The following ARCN1 variants were observed in gnomAD, a reference collection of about 807,000 sequenced individuals.
The protein encoded by ARCN1 is archain 1 coat protein complex I subunit delta.
Under a neutral mutation model 60.4 loss-of-function variants are expected in ARCN1, and 5 were observed. That is an observed-to-expected ratio of 0.08 (90% CI 0.04 to 0.17). ARCN1 has a LOEUF of 0.17. Ranked by LOEUF, ARCN1 falls within the 10% of genes least tolerant of loss-of-function variation. The pLI is 1.00. For missense variants in ARCN1, 464 were observed against 626.5 expected, an observed-to-expected ratio of 0.74 and a Z score of 2.77; for synonymous variants, 224 against 220.0, an observed-to-expected ratio of 1.02 and a Z score of -0.16.
intron 6 of ARCN1, 126 bp downstream of exon 6, chr11:118,590,632 G>A (rs782678019): frequency 7.2e-6 from 7 of 977,908 alleles, no homozygotes; most frequent in South Asian, 1.7e-5. Context: ...CACTCTAAAC[G>A]CTTAGGAAAG....
chr11:118,587,492 T>C (rs193239535), intron 5 of ARCN1, among the ~76,000 whole-genome samples: 2 of 152,174 alleles, frequency 1.3e-5, no homozygotes, highest in South Asian at 2.1e-4. Flanking sequence ...TGCAGAGATA[T>C]GACATCTAAA....
intron 1 of ARCN1, among the ~76,000 whole-genome samples, chr11:118,578,699 G>A (rs1401850144): frequency 6.6e-6 from 1 of 151,898 alleles, no homozygotes; most frequent in African/African-American, 2.4e-5. Context: ...AATTTTGGGG[G>A]GAGAGTCAAT....
intron 1 of ARCN1, chr11:118,572,842 G>T: frequency 9.6e-6 from 4 of 417,858 alleles, no homozygotes; most frequent in Non-Finnish European, 1.7e-5. Flanking sequence ...TTTGCTCTGC[G>T]AGAACTTCGT....
At position 118,602,998 on chromosome 11, in the gene ARCN1, C is replaced by T. The variant is rs951229857; in HGVS notation, c.*2284C>T. The T allele has an allele frequency of 2.6e-5, 4 of 153,808 alleles. No homozygotes were observed. The highest frequency in any genetic ancestry group is 7.2e-5 in the African/African-American group (3 of 41,532). The allele number at this position is 153,808 out of a possible 1,614,324, so 9.5% of individuals were successfully genotyped here. A position where few individuals can be genotyped will look rare whatever the true frequency, so the allele number is the denominator to read the frequency against. ...TTCAGGATGCTGTAATGGGACCTAACATTAAAAATTAATGACATGTTTTTT... is the reference window on the plus strand; with the variant it reads ...TTCAGGATGCTGTAATGGGACCTAATATTAAAAATTAATGACATGTTTTTT... On this transcript the variant is annotated 3_prime_UTR_variant, in exon 10 of 10. Coordinates refer to ENST00000264028, the MANE Select transcript of ARCN1 (RefSeq NM_001655.5).
intron 1 of ARCN1, among the ~76,000 whole-genome samples, chr11:118,576,332 A>T (rs1176919711): frequency 6.7e-6 from 1 of 149,128 alleles, no homozygotes; most frequent in Non-Finnish European, 1.5e-5. Context: ...TGGAGAGATC[A>T]TCTAACTTAT....
intron 7 of ARCN1, among the ~76,000 whole-genome samples, chr11:118,593,259 C>T (rs1555076600): frequency 6.6e-6 from 1 of 151,426 alleles, no homozygotes. Context: ...GACACAAACT[C>T]CCTCTGTCAC....
Position 118,574,548 on chromosome 11 carries a change from TA to T in ARCN1, c.3+2007del, listed in dbSNP as rs879970834. On this transcript the variant is annotated intron_variant, in intron 1 of 9. Coordinates refer to ENST00000264028, the MANE Select transcript of ARCN1 (RefSeq NM_001655.5). ...ATCATCCATCCATCCCTCTCTCCAT[TA>T]AAAAAAAATATACATTTCAAAGTAA... 3.4e-3 allele frequency among the ~76,000 whole-genome samples: 508 copies of T among 150,594 alleles called. 1 individual carries two copies. The highest frequency in any genetic ancestry group is 7.2e-3 in the African/African-American group (296 of 41,170).
intron 1 of ARCN1, among the ~76,000 whole-genome samples, chr11:118,574,495 CAT>C (rs1555073079): frequency 6.6e-6 from 1 of 151,946 alleles, no homozygotes; most frequent in Non-Finnish European, 1.5e-5. Flanking sequence ...CTATAACTAA[CAT>C]TTCACTATAT....
Position 118,601,777 on chromosome 11 carries a change from G to T in ARCN1, c.*1063G>T. 2 of 701,290 alleles carry T rather than the reference G, an allele frequency of 2.9e-6. No homozygotes were observed. Among genetic ancestry groups the T allele is most frequent in the Non-Finnish European group, 5.2e-6 (2 of 383,812 alleles). The allele number at this position is 701,290 out of a possible 1,614,324, so 43.4% of individuals were successfully genotyped here. ...TGTCAATATTAAAGATAGCTGAGAA[G>T]CACCTTTCAAATGGCACAGTCCCTC... On this transcript the variant is annotated 3_prime_UTR_variant, in exon 10 of 10. Transcript: ENST00000264028.
At chr11:118,594,685 G>A (rs1555076867) in intron 8 of ARCN1, among the ~76,000 whole-genome samples, 1 of 152,124 alleles carries the variant, frequency 6.6e-6, no homozygotes, top group African/African-American at 2.4e-5. Context: ...GAGTAACTGG[G>A]GTTACAGGCA....
chr11:118,601,860 GTAA>G lies in ARCN1; in HGVS notation c.*1148_*1150del. The G allele has an allele frequency of 1.6e-6, 1 of 615,796 alleles. No individual in the cohort carries two copies. The highest frequency in any genetic ancestry group is 2.9e-6 in the Non-Finnish European group (1 of 343,598). The allele number at this position is 615,796 out of a possible 1,614,324, so 38.1% of individuals were successfully genotyped here. ...CCAGTTAGGGATTTCACATCCACAT[GTAA>G]TCATGTCTGCTGCTGTTGCTACCCA... On this transcript the variant is annotated 3_prime_UTR_variant, in exon 10 of 10. Coordinates refer to ENST00000264028, the MANE Select transcript of ARCN1 (RefSeq NM_001655.5).
In ARCN1 at chr11:118,583,789, A is replaced by T. The variant is rs1555075014; in HGVS notation, c.448-20A>T. On this transcript the variant is annotated intron_variant, in intron 3 of 9. Transcript: ENST00000264028. Reference sequence around the variant, plus strand: ...AAACCCAAAAAAAAAAGCTACATTAATGTATGTCTTTTTCTGTAGACTCAA... The same window carrying T: ...AAACCCAAAAAAAAAAGCTACATTATTGTATGTCTTTTTCTGTAGACTCAA... 6.2e-7 allele frequency: 1 copy of T among 1,609,956 alleles called. No individual in the cohort carries two copies. The highest frequency in any genetic ancestry group is 1.3e-5 in the African/African-American group (1 of 74,562).
rs781847351 is a variant in ARCN1, at chr11:118,597,893, A to G, written c.1428A>G (p.Lys476=). ...FPVQVSFVSK[K]NYCNIQVTKV... ...TTCAAGTTTCCTTTGTCTCCAAGAA[A>G]AATTACTGTAACATACAGGTACTCC... Residue 476 remains lysine, a synonymous_variant, in exon 9 of 10, where the codon AAA becomes AAG. Transcript: ENST00000264028. The G allele has an allele frequency of 1.2e-6, 2 of 1,614,202 alleles. No homozygotes were observed. The highest frequency in any genetic ancestry group is 2.2e-5 in the South Asian group (2 of 91,090).
chr11:118,578,228 A>G (rs1198477845), intron 1 of ARCN1, among the ~76,000 whole-genome samples: 7 of 151,926 alleles, frequency 4.6e-5, no homozygotes, highest in African/African-American at 1.2e-4. Context: ...GGATAGTAAC[A>G]TACACCTTTT....
intron 1 of ARCN1, among the ~76,000 whole-genome samples, chr11:118,573,174 TG>T (rs1555072785): frequency 6.6e-6 from 1 of 152,232 alleles, no homozygotes; most frequent in Non-Finnish European, 1.5e-5. Flanking sequence ...TGTGTCCATT[TG>T]TTAGTGTGAC....
chr11:118,579,084 AT>A (rs1468333922), intron 1 of ARCN1, among the ~76,000 whole-genome samples: 1 of 151,930 alleles, frequency 6.6e-6, no homozygotes, highest in African/African-American at 2.4e-5. Context: ...TTGTAAGGTC[AT>A]TAGATAATGC....
intron 9 of ARCN1, among the ~76,000 whole-genome samples, chr11:118,598,723 G>A (rs1248702626): frequency 4.0e-5 from 6 of 151,804 alleles, no homozygotes; most frequent in African/African-American, 1.2e-4. Context: ...TTGAACTCCC[G>A]ACCTCAGGTG....
At chr11:118,600,314 CTA>C (rs1416314191) in intron 9 of ARCN1, among the ~76,000 whole-genome samples, 1 of 152,314 alleles carries the variant, frequency 6.6e-6, no homozygotes, top group African/African-American at 2.4e-5. Context: ...GATAGAATGT[CTA>C]TGAATTTCAT....
intron 4 of ARCN1, among the ~76,000 whole-genome samples, chr11:118,584,234 C>T (rs1383428950): frequency 6.6e-6 from 1 of 152,176 alleles, no homozygotes. Flanking sequence ...GTCATGACCT[C>T]AGTTTCCTAT....
Sources: allele counts gnomAD v4.1 joint callset (sites outside exome capture counted in the v4.1 genomes callset), GRCh38; gene constraint gnomAD v4.1.1; transcripts MANE v1.5; gene names NCBI Gene and HGNC (gene_info 2026-07-23, HGNC 2026-07-21).